Variants in RNF121 observed in about 807,000 individuals in gnomAD.
The protein encoded by RNF121 is ring finger protein 121, also known as E3 ubiquitin ligase RNF121.
RNF121 carries 21 observed loss-of-function variants against 46.5 expected under a neutral mutation model. That is an observed-to-expected ratio of 0.45 (90% CI 0.32 to 0.65). The LOEUF is 0.65. Ranked by LOEUF, RNF121 falls within the 30% of genes least tolerant of loss-of-function variation. The probability of loss-of-function intolerance (pLI) is 0.04; values close to 1 mark genes in which losing one functional copy is unlikely to be tolerated. For missense variants in RNF121, 346 were observed against 416.0 expected (o/e 0.83, Z 1.46); for synonymous variants, 139 against 144.7 (o/e 0.96, Z 0.28).
At chr11:71,945,292 A>G (rs1255024024) in intron 1 of RNF121, among the ~76,000 whole-genome samples, 1 of 151,934 alleles carries the variant, frequency 6.6e-6, no homozygotes. Flanking sequence ...TCTGGCCAAG[A>G]TTCACTTTTA....
chr11:71,963,154 C>T (rs556458297), intron 3 of RNF121, among the ~76,000 whole-genome samples: 4 of 152,122 alleles, frequency 2.6e-5, no homozygotes, highest in African/African-American at 7.2e-5. Context: ...CACATTTTAT[C>T]GGTTGTCTTG....
chr11:71,947,974 AAGGCCTT>A (rs1933985787), intron 1 of RNF121, among the ~76,000 whole-genome samples: 1 of 152,142 alleles, frequency 6.6e-6, no homozygotes, highest in Admixed American at 6.5e-5. Flanking sequence ...ATGGGCTGTA[AAGGCCTT>A]AGGAGTTCAT....
At chr11:71,956,878 C>T (rs1474782001) in intron 1 of RNF121, among the ~76,000 whole-genome samples, 1 of 152,218 alleles carries the variant, frequency 6.6e-6, no homozygotes, top group Admixed American at 6.5e-5. Context: ...AGGCAAGGCA[C>T]CTCTTTGTTC....
At chr11:71,963,168 CT>C (rs1206302426) in intron 3 of RNF121, among the ~76,000 whole-genome samples, 2 of 152,138 alleles carry the variant, frequency 1.3e-5, no homozygotes, top group Non-Finnish European at 2.9e-5. Flanking sequence ...TGTCTTGACA[CT>C]TTATTGATAG....
intron 3 of RNF121, chr11:71,978,070 A>ATTT: frequency 7.5e-6 from 2 of 265,450 alleles, no homozygotes; most frequent in South Asian, 2.9e-5. Context: ...AATTTTTTGT[A>ATTT]TTTTTTTTTT....
At chr11:71,983,024 A>G in intron 4 of RNF121, 109 bp downstream of exon 4, 2 of 1,149,364 alleles carry the variant, frequency 1.7e-6, no homozygotes, top group Non-Finnish European at 2.3e-6. Context: ...TTGTCTGCCA[A>G]AATTATTTGG....
At chr11:71,967,668 A>G (rs1489810599) in intron 3 of RNF121, among the ~76,000 whole-genome samples, 1 of 151,810 alleles carries the variant, frequency 6.6e-6, no homozygotes, top group African/African-American at 2.4e-5. Flanking sequence ...TGATCTGCCC[A>G]CCTTGGCCTC....
chr11:71,969,491 T>C (rs1014465960), intron 3 of RNF121, among the ~76,000 whole-genome samples: 3 of 152,160 alleles, frequency 2.0e-5, no homozygotes, highest in African/African-American at 7.2e-5. Context: ...GTGGTATGTT[T>C]TCTTTTTTTT....
intron 6 of RNF121, among the ~76,000 whole-genome samples, chr11:71,993,164 C>T (rs1213985856): frequency 1.3e-5 from 2 of 152,220 alleles, no homozygotes; most frequent in Non-Finnish European, 2.9e-5. Context: ...TCATTTCCCT[C>T]TTACCTATTT....
chr11:71,986,781 AAAAAAAAAG>A (rs1317943856), intron 4 of RNF121, among the ~76,000 whole-genome samples: 3 of 151,540 alleles, frequency 2.0e-5, no homozygotes, highest in African/African-American at 7.3e-5. Flanking sequence ...AAAAAAAAAA[AAAAAAAAAG>A]AAAAAAAATA....
rs780793577 is a variant in RNF121 at position 71,934,938 on chromosome 11, A to ACTTTTTTTTTTTTT, written c.63+5814_63+5815insCTTTTTTTTTTTTT. Among the ~76,000 whole-genome samples, 6 of 145,100 alleles carry ACTTTTTTTTTTTTT rather than the reference A, an allele frequency of 4.1e-5. 3 individuals carry two copies. The highest frequency in any genetic ancestry group is 3.0e-5 in the Non-Finnish European group (2 of 67,046). On this transcript the variant is annotated intron_variant, in intron 1 of 8. Transcript: ENST00000361756. ...GTCCTGTGCCAAGTGTTCCAAATGCATTCTTTTTTTTTTTTTTTTTTTTTA... is the reference window on the plus strand; with the variant it reads ...GTCCTGTGCCAAGTGTTCCAAATGCACTTTTTTTTTTTTTTTCTTTTTTTTTTTTTTTTTTTTTA...
At chr11:71,992,421 C>A (rs1320320915) in intron 6 of RNF121, among the ~76,000 whole-genome samples, 1 of 152,068 alleles carries the variant, frequency 6.6e-6, no homozygotes, top group African/African-American at 2.4e-5. Flanking sequence ...TGAGTCTTTA[C>A]TTAAGAGACA....
At position 71,996,332 on chromosome 11, in the gene RNF121, T is replaced by C; in HGVS notation, c.*17T>C. ...CTGGAATAGTGATGAAGAGCATCAG[T>C]GGAAAACCCACCCCACACGCCATGG... On this transcript the variant is annotated 3_prime_UTR_variant, in exon 9 of 9. Coordinates refer to ENST00000361756, the MANE Select transcript of RNF121 (RefSeq NM_018320.5). 1 of 1,613,282 alleles carries C rather than the reference T, an allele frequency of 6.2e-7. No homozygotes were observed.
chr11:71,955,757 C>A (rs1953976552), intron 1 of RNF121, among the ~76,000 whole-genome samples: 1 of 152,134 alleles, frequency 6.6e-6, no homozygotes, highest in Non-Finnish European at 1.5e-5. Flanking sequence ...GAAACCTGTG[C>A]ATGGATTGTT....
At chr11:71,945,252 G>A (rs1280213512) in intron 1 of RNF121, among the ~76,000 whole-genome samples, 1 of 152,166 alleles carries the variant, frequency 6.6e-6, no homozygotes, top group African/African-American at 2.4e-5. Flanking sequence ...GGCTCCCAAA[G>A]TGTTGAGATT....
chr11:71,971,321 T>C (rs1315815618), intron 3 of RNF121, among the ~76,000 whole-genome samples: 1 of 152,158 alleles, frequency 6.6e-6, no homozygotes, highest in Non-Finnish European at 1.5e-5. Flanking sequence ...GAGTTTGAGG[T>C]TGCAGTGAGC....
At chr11:71,980,289 A>G (rs761886304) in intron 3 of RNF121, among the ~76,000 whole-genome samples, 1 of 151,862 alleles carries the variant, frequency 6.6e-6, no homozygotes, top group Non-Finnish European at 1.5e-5. Flanking sequence ...GGTTCTGCTT[A>G]CCCTTTTCTC....
intron 1 of RNF121, among the ~76,000 whole-genome samples, chr11:71,949,375 A>G (rs1379081550): frequency 3.3e-5 from 5 of 152,194 alleles, no homozygotes; most frequent in South Asian, 4.1e-4. Context: ...CTGTGATTGC[A>G]CTACGGCACT....
chr11:71,989,145 C>G (rs2134215074), intron 5 of RNF121, among the ~76,000 whole-genome samples: 1 of 152,262 alleles, frequency 6.6e-6, no homozygotes, highest in East Asian at 1.9e-4. Context: ...AGTGCAGTGG[C>G]TCACTGCAAC....
Sources: gnomAD v4.1 joint callset for allele counts (sites outside exome capture counted in the v4.1 genomes callset) on GRCh38, gnomAD v4.1.1 for gene constraint, MANE v1.5 for transcripts, NCBI Gene and HGNC (gene_info 2026-07-23, HGNC 2026-07-21) for gene names.